Variants in ZNF550 observed in about 807,000 individuals in gnomAD.
ZNF550 encodes zinc finger protein 550.
ZNF550 carries 42 observed loss-of-function variants against 40.2 expected under a neutral mutation model. The observed-to-expected ratio is 1.05, with a 90% confidence interval of 0.82 to 1.35. ZNF550 has a LOEUF of 1.35. Among genes scored for constraint, ZNF550 ranks in the 40% most tolerant of loss-of-function variants. The pLI is 0.00. For synonymous variants in ZNF550, 223 were observed against 198.6 expected (o/e 1.12, Z -1.03); for missense variants, 549 against 525.2 (o/e 1.05, Z -0.44).
chr19:57,552,760 A>G, intron 2 of ZNF550, 38 bp from the exon 3 acceptor site: 1 of 1,473,290 alleles, frequency 6.8e-7, no homozygotes. Flanking sequence ...GGGTAATTTA[A>G]TGAGAAAATG....
intron 3 of ZNF550, among the ~76,000 whole-genome samples, chr19:57,549,642 G>T (rs940981736): frequency 6.6e-6 from 1 of 152,082 alleles, no homozygotes; most frequent in African/African-American, 2.4e-5. Context: ...TGAAGGTGAG[G>T]AAGTAAAAAT....
At chr19:57,560,286 C>T (rs970498708), upstream of ZNF550, among the ~76,000 whole-genome samples, 1 of 152,146 alleles carries the variant, frequency 6.6e-6, no homozygotes, top group Non-Finnish European at 1.5e-5. Flanking sequence ...TCTGGACCCC[C>T]GCTTCCCGCG....
exon 4 of ZNF550, chr19:57,547,725 T>C: frequency 4.3e-6 from 7 of 1,614,222 alleles, no homozygotes; most frequent in Non-Finnish European, 5.9e-6. Context: ...ACCACTCTTG[T>C]AATGCCCTGG....
At chr19:57,559,671 C>G in exon 1 of ZNF550, 1 of 1,506,332 alleles carries the variant, frequency 6.6e-7, no homozygotes, top group Non-Finnish European at 8.9e-7. Context: ...CTGCGTCCTT[C>G]GTCTCCGCCA....
At chr19:57,546,257 G>C (rs913683050) in intron 4 of ZNF550, among the ~76,000 whole-genome samples, 4 of 151,684 alleles carry the variant, frequency 2.6e-5, no homozygotes, top group Non-Finnish European at 5.9e-5. Context: ...TATCCTCCCA[G>C]AGATGTCTGG....
chr19:57,547,770 T>C (rs1405168194), exon 4 of ZNF550: 153 of 1,613,994 alleles, frequency 9.5e-5, no homozygotes, highest in Non-Finnish European at 1.3e-4. Context: ...AACCTTCACC[T>C]TCAAGGCTCA....
chr19:57,549,565 G>A (rs2090054739), intron 3 of ZNF550, among the ~76,000 whole-genome samples: 1 of 152,188 alleles, frequency 6.6e-6, no homozygotes, highest in African/African-American at 2.4e-5. Context: ...TAGAGGAGGT[G>A]TCCCATAAGC....
intron 2 of ZNF550, chr19:57,555,273 G>GT (rs1398529242): frequency 6.6e-6 from 1 of 151,946 alleles, no homozygotes; most frequent in Non-Finnish European, 1.5e-5. Context: ...TGTCCCCTCT[G>GT]TTAAAAAAAA....
At chr19:57,558,921 T>C (rs1008954573) in intron 1 of ZNF550, among the ~76,000 whole-genome samples, 2 of 152,186 alleles carry the variant, frequency 1.3e-5, no homozygotes, top group African/African-American at 4.8e-5. Context: ...TGTAACTAAA[T>C]GTCTTAAACA....
At chr19:57,559,740 C>G (rs2090154674) in exon 1 of ZNF550, 1 of 1,412,094 alleles carries the variant, frequency 7.1e-7, no homozygotes. Context: ...AAAACCCTAC[C>G]CCGGGTCCTA....
upstream of ZNF550, among the ~76,000 whole-genome samples, chr19:57,560,394 G>A (rs1223157366): frequency 6.6e-6 from 1 of 152,204 alleles, no homozygotes; most frequent in Admixed American, 6.5e-5. Context: ...AAGGTCTCCA[G>A]GGGCCGTGAG....
chr19:57,549,529 A>G (rs1159448121), intron 3 of ZNF550, among the ~76,000 whole-genome samples: 9 of 152,232 alleles, frequency 5.9e-5, no homozygotes, highest in Non-Finnish European at 1.2e-4. Context: ...GAGACTGGAA[A>G]GAAAAAGAGA....
intron 4 of ZNF550, among the ~76,000 whole-genome samples, chr19:57,545,752 C>T (rs372034265): frequency 4.8e-4 from 73 of 152,308 alleles, no homozygotes; most frequent in African/African-American, 1.7e-3. Flanking sequence ...GTGACTCACA[C>T]CTGTAATCCC....
chr19:57,556,347 G>T, exon 2 of ZNF550: 1 of 1,613,150 alleles, frequency 6.2e-7, no homozygotes, highest in Non-Finnish European at 8.5e-7. Flanking sequence ...ATCCTTGAAG[G>T]TCACCAACAT....
At chr19:57,559,787 C>A in exon 1 of ZNF550, 1 of 1,100,722 alleles carries the variant, frequency 9.1e-7, no homozygotes, top group Non-Finnish European at 1.2e-6. Flanking sequence ...GCCCTACCAT[C>A]CTTCCCAGCA....
At position 57,547,723 on chromosome 19, in the gene ZNF550, T is replaced by TG; in HGVS notation, c.520dup (p.Gln174ProfsTer11). On this transcript the variant is annotated frameshift_variant, in exon 4 of 5. Coordinates refer to ENST00000457177, the Ensembl canonical transcript of ZNF550. LOFTEE classifies it high-confidence loss of function. ...GAGAACATCTGCTGATAACCACTCT[T>TG]GTAATGCCCTGGAGTGCAGACCATC... is the stretch of plus-strand genomic sequence containing the variant. The TG allele has an allele frequency of 6.2e-7, 1 of 1,614,180 alleles. No homozygotes were observed. Among genetic ancestry groups the TG allele is most frequent in the Non-Finnish European group, 8.5e-7 (1 of 1,180,036 alleles).
At chr19:57,546,969 G>A (rs768600052) in exon 4 of ZNF550, 2 of 1,598,636 alleles carry the variant, frequency 1.3e-6, no homozygotes, top group South Asian at 2.2e-5. Flanking sequence ...CAGCAATAGG[G>A]TTCTCTCATG....
exon 1 of ZNF550, chr19:57,559,661 C>A: frequency 6.6e-7 from 1 of 1,508,366 alleles, no homozygotes; most frequent in South Asian, 1.2e-5. Context: ...CTCACCTGCG[C>A]TGCGTCCTTC....
chr19:57,547,789 A>G (rs755320807), exon 4 of ZNF550: 6 of 1,614,008 alleles, frequency 3.7e-6, no homozygotes, highest in Non-Finnish European at 5.1e-6. Context: ...CACTTTCCCA[A>G]GATGGGTCTC....
Sources: gnomAD v4.1 joint callset for allele counts (sites outside exome capture counted in the v4.1 genomes callset) on GRCh38, gnomAD v4.1.1 for gene constraint, MANE v1.5 for transcripts, NCBI Gene and HGNC (gene_info 2026-07-23, HGNC 2026-07-21) for gene names.